UBE2R2: variants seen among roughly 807,000 people sequenced by gnomAD.
UBE2R2 encodes the protein ubiquitin conjugating enzyme E2 R2, also known as ubiquitin-conjugating enzyme E2 R2.
Under a neutral mutation model 27.8 loss-of-function variants are expected in UBE2R2, and 1 was observed. The observed-to-expected ratio is 0.04, with a 90% confidence interval of 0.01 to 0.17. UBE2R2 has a LOEUF of 0.17. UBE2R2 is among the 10% of genes least tolerant of loss of function. UBE2R2 has a pLI of 1.00. For missense variants in UBE2R2, 100 were observed against 291.0 expected (o/e 0.34, Z 4.78); for synonymous variants, 106 against 113.3 (o/e 0.94, Z 0.41).
chr9:33,824,722 GA>G (rs1820267178), intron 1 of UBE2R2, among the ~76,000 whole-genome samples: 1 of 150,378 alleles, frequency 6.6e-6, no homozygotes, highest in Non-Finnish European at 1.5e-5. Context: ...AGAATTGCTT[GA>G]ACCCAAGAGG....
chr9:33,816,417 T>TGGCGAA (rs1825758505), upstream of UBE2R2, among the ~76,000 whole-genome samples: 1 of 152,210 alleles, frequency 6.6e-6, no homozygotes, highest in Admixed American at 6.5e-5. Flanking sequence ...ATTTTACAAA[T>TGGCGAA]GGCGAAGGCG....
chr9:33,877,819 G>GTCTGTCTC (rs1821640278), intron 1 of UBE2R2, among the ~76,000 whole-genome samples: 1 of 92,968 alleles, frequency 1.1e-5, no homozygotes, highest in Non-Finnish European at 2.1e-5. Flanking sequence ...CTGTCTGTCT[G>GTCTGTCTC]TCTGTCTCTC....
intron 1 of UBE2R2, among the ~76,000 whole-genome samples, chr9:33,861,182 G>A (rs1346733094): frequency 6.7e-6 from 1 of 150,100 alleles, no homozygotes; most frequent in African/African-American, 2.4e-5. Context: ...GGATGGTCTC[G>A]ATCTCCTGAC....
At chr9:33,836,768 A>AAAT (rs1554671532) in intron 1 of UBE2R2, among the ~76,000 whole-genome samples, 7 of 147,628 alleles carry the variant, frequency 4.7e-5, no homozygotes, top group Non-Finnish European at 8.9e-5. Flanking sequence ...AAAAAAAAAA[A>AAAT]ATATATATAT....
chr9:33,818,366 G>T (rs1825875498), intron 1 of UBE2R2, among the ~76,000 whole-genome samples: 1 of 143,766 alleles, frequency 7.0e-6, no homozygotes, highest in Non-Finnish European at 1.5e-5. Context: ...TTTCTTTTTT[G>T]GGGGGTGGGG....
intron 3 of UBE2R2, among the ~76,000 whole-genome samples, chr9:33,908,358 A>C (rs1822410237): frequency 6.6e-6 from 1 of 152,178 alleles, no homozygotes; most frequent in African/African-American, 2.4e-5. Flanking sequence ...CAGGGATGGA[A>C]TCCTTTCAGC....
chr9:33,864,325 C>G (rs74615992), intron 1 of UBE2R2, among the ~76,000 whole-genome samples: 42 of 152,200 alleles, frequency 2.8e-4, no homozygotes, highest in Admixed American at 9.2e-4. Context: ...ATGTCTTATC[C>G]TGGCTGTCAA....
intron 1 of UBE2R2, among the ~76,000 whole-genome samples, chr9:33,859,791 TGTGTGTGTGAGA>T (rs1424171732): frequency 5.2e-4 from 57 of 109,974 alleles, no homozygotes; most frequent in African/African-American, 1.8e-3. Flanking sequence ...TGTGTGTGTG[TGTGTGTGTGAGA>T]GAGAGAGAGA....
At position 33,888,812 on chromosome 9, in the gene UBE2R2, G is replaced by A. The variant is rs149877214; in HGVS notation, c.264+1845G>A. 2.3e-4 allele frequency among the ~76,000 whole-genome samples: 35 copies of A among 152,142 alleles called. No homozygotes were observed. The East Asian group carries it at 4.8e-3, about 21-fold the overall frequency. ...GATTACAGGGTAAGCCACCATGCCC[G>A]GCCACCTTTAAATTGCTTTTAGGCA... On this transcript the variant is annotated intron_variant, in intron 2 of 4. Coordinates refer to ENST00000263228, the MANE Select transcript of UBE2R2 (RefSeq NM_017811.4).
At chr9:33,872,746 A>C (rs767641235) in intron 1 of UBE2R2, among the ~76,000 whole-genome samples, 30 of 151,402 alleles carry the variant, frequency 2.0e-4, no homozygotes, top group Non-Finnish European at 3.7e-4. Context: ...AGACCGCACC[A>C]CTGCACTCCA....
Position 33,918,748 on chromosome 9 carries a change from A to G in UBE2R2, c.*1511A>G, listed in dbSNP as rs1384918086. 6.6e-6 allele frequency: 1 copy of G among 152,466 alleles called. No individual in the cohort carries two copies. The highest frequency in any genetic ancestry group is 1.5e-5 in the Non-Finnish European group (1 of 68,030). 9.4% of individuals were successfully genotyped at this position (152,466 alleles called of 1,614,324 possible). A position where few individuals can be genotyped will look rare whatever the true frequency, so the allele number is the denominator to read the frequency against. On this transcript the variant is annotated 3_prime_UTR_variant, in exon 5 of 5. Transcript: ENST00000263228. ...AGGACTGACTGTAGTCCTATTTCAG[A>G]CCCCTGGGCACTAGTGTCAACTCCT...
At chr9:33,913,241 G>A (rs1282055512) in intron 4 of UBE2R2, among the ~76,000 whole-genome samples, 1 of 152,082 alleles carries the variant, frequency 6.6e-6, no homozygotes, top group African/African-American at 2.4e-5. Context: ...TTACAGGCGT[G>A]AGCCACTGCA....
At chr9:33,822,717 A>G (rs1251944841) in intron 1 of UBE2R2, among the ~76,000 whole-genome samples, 1 of 150,248 alleles carries the variant, frequency 6.7e-6, no homozygotes. Context: ...GAGCTACCAC[A>G]CCCAGCCAAA....
intron 1 of UBE2R2, chr9:33,868,638 G>A (rs1195685575): frequency 6.6e-6 from 1 of 152,156 alleles, no homozygotes; most frequent in African/African-American, 2.4e-5. Context: ...CTAGAGCTTT[G>A]CTTTACCTTG....
chr9:33,852,012 G>T (rs891961617), intron 1 of UBE2R2, among the ~76,000 whole-genome samples: 1 of 152,086 alleles, frequency 6.6e-6, no homozygotes, highest in African/African-American at 2.4e-5. Flanking sequence ...GATAGGTGGG[G>T]TTCAACATAT....
At chr9:33,831,869 C>T (rs1820491782) in intron 1 of UBE2R2, among the ~76,000 whole-genome samples, 1 of 151,828 alleles carries the variant, frequency 6.6e-6, no homozygotes, top group Non-Finnish European at 1.5e-5. Flanking sequence ...CCATGTTGAT[C>T]AGGCTGGTCT....
At position 33,829,189 on chromosome 9, in the gene UBE2R2, G is replaced by GA. The variant is rs746206968; in HGVS notation, c.177+11262dup. On this transcript the variant is annotated intron_variant, in intron 1 of 4. Coordinates refer to ENST00000263228, the MANE Select transcript of UBE2R2 (RefSeq NM_017811.4). ...GGCCTTTTGTCTGTTGAATCCACAG[G>GA]AAAAAAATGGATCTTTAAAAAATTC... Among the ~76,000 whole-genome samples, 4 of 151,908 alleles carry GA rather than the reference G, an allele frequency of 2.6e-5. No individual in the cohort carries two copies. In the East Asian group the frequency reaches 5.8e-4, roughly 22 times the overall value.
intron 1 of UBE2R2, among the ~76,000 whole-genome samples, chr9:33,870,630 CAAAA>C (rs1395324440): frequency 2.0e-5 from 3 of 152,058 alleles, no homozygotes; most frequent in Non-Finnish European, 4.4e-5. Context: ...TTCAAGAAGA[CAAAA>C]TGATAAATGG....
chr9:33,860,341 A>G (rs1030604362), intron 1 of UBE2R2, among the ~76,000 whole-genome samples: 11 of 152,098 alleles, frequency 7.2e-5, no homozygotes, highest in Admixed American at 5.9e-4. Flanking sequence ...TAATTAGGTT[A>G]TAAGTGGCAG....
Sources: gnomAD v4.1 joint callset for allele counts (sites outside exome capture counted in the v4.1 genomes callset) on GRCh38, gnomAD v4.1.1 for gene constraint, MANE v1.5 for transcripts, NCBI Gene and HGNC (gene_info 2026-07-23, HGNC 2026-07-21) for gene names.